LYZL4: variants seen among roughly 807,000 people sequenced by gnomAD.
The protein encoded by LYZL4 is lysozyme-like protein 4.
LYZL4 carries 13 observed loss-of-function variants against 17.6 expected under a neutral mutation model. The ratio of observed to expected loss-of-function variants is 0.74; its 90% CI spans 0.48 to 1.18. The LOEUF is 1.18. LYZL4 is among the 50% of genes most tolerant of loss of function. The pLI is 0.00. For missense variants in LYZL4, 174 were observed against 188.2 expected (o/e 0.92, Z 0.44); for synonymous variants, 64 against 67.7 (o/e 0.95, Z 0.27).
At chr3:42,408,525 C>T (rs1008312044) in intron 1 of LYZL4, among the ~76,000 whole-genome samples, 14 of 152,198 alleles carry the variant, frequency 9.2e-5, no homozygotes, top group Non-Finnish European at 1.6e-4. Context: ...GTTCCATTTT[C>T]CCTCTGAGCC....
chr3:42,372,055 T>C, the LYZL4 span, among the ~76,000 whole-genome samples: 2 of 152,230 alleles, frequency 1.3e-5, no homozygotes, highest in African/African-American at 4.8e-5. Flanking sequence ...TCAGCACAAT[T>C]GGTTCCTGAA....
At chr3:42,384,345 C>G in the LYZL4 span, among the ~76,000 whole-genome samples, 1 of 151,886 alleles carries the variant, frequency 6.6e-6, no homozygotes, top group African/African-American at 2.4e-5. Context: ...AGGGTATAAA[C>G]CAAGAAGAAA....
chr3:42,396,219 A>G (rs902687314), downstream of LYZL4, among the ~76,000 whole-genome samples: 1 of 152,238 alleles, frequency 6.6e-6, no homozygotes, highest in Non-Finnish European at 1.5e-5. Context: ...GGCTTTCTCC[A>G]TACTACTCTA....
the LYZL4 span, among the ~76,000 whole-genome samples, chr3:42,368,507 T>C: frequency 6.6e-6 from 1 of 152,232 alleles, no homozygotes; most frequent in Non-Finnish European, 1.5e-5. Context: ...TTTTATAACC[T>C]GCTTTTTTTC....
chr3:42,388,559 T>C, the LYZL4 span, among the ~76,000 whole-genome samples: 1 of 152,176 alleles, frequency 6.6e-6, no homozygotes, highest in Non-Finnish European at 1.5e-5. Context: ...GAGTCATGAA[T>C]GCCAGCAGAG....
At chr3:42,365,960 C>T in the LYZL4 span, among the ~76,000 whole-genome samples, 1 of 152,152 alleles carries the variant, frequency 6.6e-6, no homozygotes, top group Non-Finnish European at 1.5e-5. Context: ...ACTCCAAGCC[C>T]TCTACCTCCA....
the LYZL4 span, among the ~76,000 whole-genome samples, chr3:42,379,155 C>G: frequency 2.0e-5 from 3 of 152,164 alleles, no homozygotes; most frequent in Non-Finnish European, 2.9e-5. Flanking sequence ...TCAGCTTATG[C>G]CTGCTCCACA....
the LYZL4 span, among the ~76,000 whole-genome samples, chr3:42,376,167 G>A: frequency 1.3e-5 from 2 of 152,224 alleles, no homozygotes; most frequent in Non-Finnish European, 2.9e-5. Flanking sequence ...AGCTCATTAA[G>A]GAATGTGCAG....
intron 4 of LYZL4, 138 bp from the exon 5 acceptor site, chr3:42,397,472 T>C (rs936249356): frequency 1.6e-6 from 1 of 617,352 alleles, no homozygotes. Flanking sequence ...GTGGGCACGA[T>C]TCTGAAGGCT....
the LYZL4 span, among the ~76,000 whole-genome samples, chr3:42,381,053 C>T: frequency 1.3e-5 from 2 of 152,242 alleles, no homozygotes; most frequent in South Asian, 4.1e-4. Flanking sequence ...CTCAATGTTG[C>T]AGACCTGAAC....
At chr3:42,389,770 A>G in the LYZL4 span, among the ~76,000 whole-genome samples, 14 of 152,192 alleles carry the variant, frequency 9.2e-5, no homozygotes, top group African/African-American at 1.4e-4. Flanking sequence ...GGTCTCAGTC[A>G]GGTCCTGAAG....
the LYZL4 span, among the ~76,000 whole-genome samples, chr3:42,383,780 T>C: frequency 1.3e-5 from 2 of 151,188 alleles, no homozygotes; most frequent in Non-Finnish European, 3.0e-5. Flanking sequence ...GAAAAATAAA[T>C]GGAAGGTTTG....
At chr3:42,385,121 T>TA in the LYZL4 span, among the ~76,000 whole-genome samples, 1 of 151,876 alleles carries the variant, frequency 6.6e-6, no homozygotes, top group South Asian at 2.1e-4. Flanking sequence ...ATAATTACTT[T>TA]AAAAAAATAA....
the LYZL4 span, among the ~76,000 whole-genome samples, chr3:42,376,301 G>A: frequency 6.6e-6 from 1 of 152,172 alleles, no homozygotes; most frequent in Non-Finnish European, 1.5e-5. Flanking sequence ...AGTAGAGGCT[G>A]AACATTGTTG....
chr3:42,401,314 G>A (rs369028473), intron 4 of LYZL4, among the ~76,000 whole-genome samples: 7 of 152,088 alleles, frequency 4.6e-5, no homozygotes, highest in Non-Finnish European at 7.4e-5. Context: ...AGGTTCAAGC[G>A]ATTCTCCTAC....
At chr3:42,387,559 G>A in the LYZL4 span, among the ~76,000 whole-genome samples, 34 of 152,230 alleles carry the variant, frequency 2.2e-4, no homozygotes, top group African/African-American at 8.2e-4. Flanking sequence ...TGCTCCACAT[G>A]CCGCCTCCCC....
downstream of LYZL4, among the ~76,000 whole-genome samples, chr3:42,392,406 G>C (rs983987562): frequency 6.6e-6 from 1 of 152,150 alleles, no homozygotes; most frequent in African/African-American, 2.4e-5. Context: ...GAGAGTTAAA[G>C]AGAGAGGAGA....
At chr3:42,363,405 G>A in the LYZL4 span, among the ~76,000 whole-genome samples, 1 of 152,118 alleles carries the variant, frequency 6.6e-6, no homozygotes, top group Non-Finnish European at 1.5e-5. Context: ...GAAATAATTA[G>A]GGGTGAAGTA....
At chr3:42,370,042 G>C in the LYZL4 span, among the ~76,000 whole-genome samples, 3 of 152,222 alleles carry the variant, frequency 2.0e-5, no homozygotes, top group South Asian at 6.2e-4. Context: ...AGACTCCAGG[G>C]GCTCCCACGC....
Sources: gnomAD v4.1 joint callset for allele counts (sites outside exome capture counted in the v4.1 genomes callset) on GRCh38, gnomAD v4.1.1 for gene constraint, MANE v1.5 for transcripts, NCBI Gene and HGNC (gene_info 2026-07-23, HGNC 2026-07-21) for gene names.